Variants in STYK1 observed in about 807,000 individuals in gnomAD.
STYK1 encodes the protein tyrosine-protein kinase STYK1.
Under a neutral mutation model 48.1 loss-of-function variants are expected in STYK1, and 46 were observed. The observed-to-expected ratio is 0.96, with a 90% CI of 0.75 to 1.22. The LOEUF (loss-of-function observed/expected upper bound fraction) is 1.22, where lower values mean the gene tolerates loss of function less well. Among genes scored for constraint, STYK1 ranks in the 50% most tolerant of loss-of-function variants. STYK1 has a pLI of 0.00. For synonymous variants in STYK1, 188 were observed against 189.0 expected (o/e 0.99, Z 0.04); for missense variants, 527 against 521.1 (o/e 1.01, Z -0.11).
At chr12:10,630,025 A>G (rs1947404975) in intron 5 of STYK1, among the ~76,000 whole-genome samples, 1 of 139,646 alleles carries the variant, frequency 7.2e-6, no homozygotes. Flanking sequence ...GGCCCATATC[A>G]TGAAGAGGAG....
chr12:10,634,232 A>C, intron 3 of STYK1, 108 bp from the exon 4 acceptor site: 3 of 1,302,990 alleles, frequency 2.3e-6, no homozygotes, highest in Non-Finnish European at 3.2e-6. Context: ...TGAAAAGGTC[A>C]TCTCTTCTAC....
At chr12:10,647,392 A>G (rs1177312175) in intron 1 of STYK1, among the ~76,000 whole-genome samples, 1 of 152,216 alleles carries the variant, frequency 6.6e-6, no homozygotes, top group Non-Finnish European at 1.5e-5. Context: ...TCAGACTTGT[A>G]TGGGGCCTGT....
chr12:10,623,379 A>G (rs1322091955), intron 8 of STYK1, among the ~76,000 whole-genome samples: 1 of 152,220 alleles, frequency 6.6e-6, no homozygotes, highest in African/African-American at 2.4e-5. Context: ...TCTGCTGCTC[A>G]TGGCATTCAT....
At chr12:10,673,157 A>C (rs532358634) in intron 1 of STYK1, among the ~76,000 whole-genome samples, 1 of 152,300 alleles carries the variant, frequency 6.6e-6, no homozygotes, top group Non-Finnish European at 1.5e-5. Flanking sequence ...GAAAGAGGAA[A>C]AAAGACATTG....
chr12:10,631,232 C>A lies in STYK1; in HGVS notation c.264G>T (p.Lys88Asn), dbSNP rs1244268423. Residue 88 changes from lysine to asparagine, a missense_variant, in exon 5 of 11, where the codon AAG becomes AAT. By Grantham distance (94) the Lys-to-Asn change is moderately conservative (BLOSUM62 0). Transcript: ENST00000075503. ...GHGGNVALPL[K>N]ETSVENFLGA... ...CCAGAAAGTTTTCCACGGATGTCTC[C>A]TTAAGTGGCAAAGCCACATTTCCTC... The A allele has an allele frequency of 1.9e-6, 3 of 1,614,194 alleles. No individual in the cohort carries two copies. Among genetic ancestry groups the A allele is most frequent in the Non-Finnish European group, 2.5e-6 (3 of 1,180,030 alleles).
At chr12:10,664,968 T>C (rs1467231229) in intron 1 of STYK1, among the ~76,000 whole-genome samples, 1 of 152,216 alleles carries the variant, frequency 6.6e-6, no homozygotes, top group Non-Finnish European at 1.5e-5. Context: ...AAAGGTGACA[T>C]GCATAAGTCA....
intron 1 of STYK1, among the ~76,000 whole-genome samples, chr12:10,648,164 T>C (rs1278410209): frequency 6.6e-6 from 1 of 152,188 alleles, no homozygotes; most frequent in Non-Finnish European, 1.5e-5. Context: ...ATTCATCAAA[T>C]GGAATTTAGG....
At chr12:10,627,508 G>A in intron 7 of STYK1, 133 bp downstream of exon 7, 1 of 703,450 alleles carries the variant, frequency 1.4e-6, no homozygotes, top group Non-Finnish European at 2.3e-6. Flanking sequence ...TTGAGTTTCT[G>A]CCCCCTAACT....
chr12:10,641,024 A>G (rs1350222070), intron 1 of STYK1, among the ~76,000 whole-genome samples: 2 of 152,154 alleles, frequency 1.3e-5, no homozygotes, highest in Non-Finnish European at 2.9e-5. Flanking sequence ...TCCTTCATCT[A>G]CCAGTTTCAA....
chr12:10,624,265 G>GA lies in STYK1; in HGVS notation c.926+385dup, dbSNP rs559357231. ...GTGAACCTTGTCTCTAAAAAAAAAA[G>GA]AAAAAAAAAATAGCCAAGCAGGGTG... On this transcript the variant is annotated intron_variant, in intron 8 of 10. Coordinates refer to ENST00000075503, the MANE Select transcript of STYK1 (RefSeq NM_018423.3). 9.0e-3 allele frequency among the ~76,000 whole-genome samples: 1,300 copies of GA among 144,060 alleles called. 11 individuals are homozygous for GA. The highest frequency in any genetic ancestry group is 0.014 in the Non-Finnish European group (904 of 65,560). The allele number at this position is 144,060 out of a possible 152,430, so 94.5% of individuals were successfully genotyped here. A position where few individuals can be genotyped will look rare whatever the true frequency, so the allele number is the denominator to read the frequency against.
intron 1 of STYK1, among the ~76,000 whole-genome samples, chr12:10,658,223 G>C (rs1947739421): frequency 6.6e-6 from 1 of 152,140 alleles, no homozygotes; most frequent in Non-Finnish European, 1.5e-5. Flanking sequence ...AGGTTTATGG[G>C]AATCTTACCT....
intron 1 of STYK1, among the ~76,000 whole-genome samples, chr12:10,646,031 C>T (rs956980146): frequency 1.3e-5 from 2 of 152,170 alleles, no homozygotes; most frequent in African/African-American, 2.4e-5. Flanking sequence ...TCCATTAAAC[C>T]TCTTTCTTTT....
chr12:10,666,640 G>A (rs1044137078), intron 1 of STYK1, among the ~76,000 whole-genome samples: 52 of 152,134 alleles, frequency 3.4e-4, no homozygotes, highest in African/African-American at 1.2e-3. Flanking sequence ...GGGAGGGACC[G>A]GGTGGGAGGT....
intron 4 of STYK1, among the ~76,000 whole-genome samples, 179 bp downstream of exon 4, chr12:10,633,811 A>C (rs985440078): frequency 2.6e-5 from 4 of 152,136 alleles, no homozygotes; most frequent in Non-Finnish European, 4.4e-5. Context: ...GTTGAATTCC[A>C]ACTCGGGAAT....
chr12:10,672,291 T>A lies in STYK1; in HGVS notation c.-195+1675A>T, dbSNP rs915699335. On this transcript the variant is annotated intron_variant, in intron 1 of 10. Transcript: ENST00000075503. This position sits in a 1 kb window ranked among gnomAD's most constrained non-coding sequence, Gnocchi z 4.0. ...TGCACAGCAGGAAATCAGAGGCAGGTGAGCCAGCAAAGCTTCATCTGCATT... is the reference window on the plus strand; with the variant it reads ...TGCACAGCAGGAAATCAGAGGCAGGAGAGCCAGCAAAGCTTCATCTGCATT... 6.6e-6 allele frequency among the ~76,000 whole-genome samples: 1 copy of A among 152,204 alleles called. No individual in the cohort carries two copies. The highest frequency in any genetic ancestry group is 2.4e-5 in the African/African-American group (1 of 41,448).
chr12:10,637,593 G>A (rs1007574018), intron 1 of STYK1, among the ~76,000 whole-genome samples: 11 of 151,972 alleles, frequency 7.2e-5, no homozygotes, highest in Admixed American at 6.6e-4. Context: ...CACCTGCCTT[G>A]GCCTCCCAAA....
intron 1 of STYK1, among the ~76,000 whole-genome samples, chr12:10,648,867 GA>G (rs1239705172): frequency 6.6e-6 from 1 of 152,070 alleles, no homozygotes; most frequent in Admixed American, 6.6e-5. Flanking sequence ...ACACCCAGCA[GA>G]AAAGAAGATT....
rs1374489190 is a variant in STYK1 at position 10,622,636 on chromosome 12, A to C, written c.967+2T>G. 1 of 1,613,962 alleles carries C rather than the reference A, an allele frequency of 6.2e-7. No homozygotes were observed. The highest frequency in any genetic ancestry group is 1.7e-5 in the Admixed American group (1 of 60,024). On this transcript the variant is annotated splice_donor_variant, in intron 9 of 10. Coordinates refer to ENST00000075503, the MANE Select transcript of STYK1 (RefSeq NM_018423.3). LOFTEE classifies it high-confidence loss of function. ...ACACACTATTTTGGGGCTCATCCTT[A>C]CCTAGAGTCACCATCTCATAGAGCA...
Position 10,621,909 on chromosome 12 carries a change from A to G in STYK1, c.1031T>C (p.Ile344Thr). 2 of 1,613,860 alleles carry G rather than the reference A, an allele frequency of 1.2e-6. No individual in the cohort carries two copies. The highest frequency in any genetic ancestry group is 1.1e-5 in the South Asian group (1 of 91,074). Residue 344 changes from isoleucine (I) to threonine (T), a missense_variant, in exon 10 of 11, where the codon ATC (isoleucine) becomes ACC (threonine). Physicochemically the swap from Ile to Thr is moderately conservative, Grantham distance 89 (BLOSUM62 -1). Transcript: ENST00000075503. ...TGTGCAGCTACTGGGTCTCTTCATG[A>G]TTTTCCTTCTTTGGAGATGCTCTAG... is the stretch of plus-strand genomic sequence containing the variant. ...SILEHLQRRK[I>T]MKRPSSCTHT...
Sources: gnomAD v4.1 joint callset for allele counts (sites outside exome capture counted in the v4.1 genomes callset) on GRCh38, gnomAD v4.1.1 for gene constraint, Gnocchi (gnomAD v3.1) non-coding constraint, MANE v1.5 for transcripts, NCBI Gene and HGNC (gene_info 2026-07-23, HGNC 2026-07-21) for gene names.